INSR: variants seen among roughly 807,000 people sequenced by gnomAD.
The protein encoded by INSR is IR.
Under a neutral mutation model 142.6 loss-of-function variants are expected in INSR, and 67 were observed. That is an observed-to-expected ratio of 0.47 (90% CI 0.39 to 0.58). The LOEUF (loss-of-function observed/expected upper bound fraction) is 0.58, where lower values mean the gene tolerates loss of function less well. INSR is among the 20% of genes least tolerant of loss of function. INSR has a pLI of 0.00. For missense variants in INSR, 1,248 were observed against 1,833.2 expected, an observed-to-expected ratio of 0.68 and a Z score of 5.83; for synonymous variants, 756 against 743.1, an observed-to-expected ratio of 1.02 and a Z score of -0.28.
At chr19:7,142,470 G>A (rs1973094951) in intron 12 of INSR, among the ~76,000 whole-genome samples, 1 of 150,916 alleles carries the variant, frequency 6.6e-6, no homozygotes, top group Non-Finnish European at 1.5e-5. Context: ...CGATGTGGGT[G>A]GATCACTTGA....
chr19:7,143,076 C>T lies in INSR; in HGVS notation c.2282G>A (p.Arg761His). The T allele has an allele frequency of 1.2e-6, 2 of 1,614,178 alleles. No individual in the cohort carries two copies. The highest frequency in any genetic ancestry group is 1.7e-6 in the Non-Finnish European group (2 of 1,180,036). Residue 761 changes from arginine to histidine, a missense_variant, in exon 12 of 22, where the codon CGC (arginine) becomes CAC (histidine). This residue lies in a region of INSR where 1,069 missense variants were observed against 1,654.0 expected (regional missense o/e 0.65). Transcript: ENST00000302850. ...ATTCCCAACATCGCCAAGGGACCTG[C>T]GTTTCCGAGATGGCCTGGAACGACA... ...GAEDPRPSRKRRSLGDVGNVT... is the reference protein window; with the variant it reads ...GAEDPRPSRKHRSLGDVGNVT...
rs1397511542 is a variant in INSR, at chr19:7,166,334, T to C, written c.1681A>G (p.Ile561Val). Residue 561 changes from isoleucine (I) to valine (V), a missense_variant, in exon 8 of 22, where the codon ATT (isoleucine) becomes GTT (valine). Physicochemically the swap from Ile to Val is conservative, Grantham distance 29. Around this residue, in one of 3 missense-constraint regions of INSR, gnomAD observed 1,069 missense variants for 1,654.0 expected, o/e 0.65. Transcript: ENST00000302850. The surrounding 1 kb of genome is among the most constrained non-coding windows in gnomAD (Gnocchi z 4.1). ...CGSNSWTVVDIDPPLRSNDPK... is the reference protein window; with the variant it reads ...CGSNSWTVVDVDPPLRSNDPK... Reference sequence around the variant, plus strand: ...TCGTTGGACCTCAGGGGTGGGTCAATGTCTACCACCGTCCAACTGTTGGAA... The same window carrying C: ...TCGTTGGACCTCAGGGGTGGGTCAACGTCTACCACCGTCCAACTGTTGGAA... The C allele has an allele frequency of 5.0e-6, 8 of 1,613,990 alleles. No individual in the cohort carries two copies. The highest frequency in any genetic ancestry group is 1.6e-4 in the Middle Eastern group (1 of 6,084).
intron 3 of INSR, among the ~76,000 whole-genome samples, chr19:7,176,959 G>A (rs1334373519): frequency 6.6e-6 from 1 of 152,170 alleles, no homozygotes; most frequent in African/African-American, 2.4e-5. Flanking sequence ...GACATTTGCT[G>A]TTCTGTGTGG....
Position 7,116,900 on chromosome 19 carries a change from C to A in INSR, c.*156G>T. On this transcript the variant is annotated 3_prime_UTR_variant, in exon 22 of 22. Transcript: ENST00000302850. ...AGGACTAGTTAAATTGGTAACCAAA[C>A]GAGTCCACCTTAAGATGAACAGAAA... 3 of 685,996 alleles carry A rather than the reference C, an allele frequency of 4.4e-6. No homozygotes were observed. Among genetic ancestry groups the A allele is most frequent in the Non-Finnish European group, 5.2e-6 (2 of 381,230 alleles). 42.5% of individuals were successfully genotyped at this position (685,996 alleles called of 1,614,324 possible). A position where few individuals can be genotyped will look rare whatever the true frequency, so the allele number is the denominator to read the frequency against.
chr19:7,228,980 A>AGGAT lies in INSR; in HGVS notation c.652+38361_652+38364dup, dbSNP rs59628521. 4.8e-4 allele frequency among the ~76,000 whole-genome samples: 66 copies of AGGAT among 137,836 alleles called. 1 individual carries two copies. Among genetic ancestry groups the AGGAT allele is most frequent in the Admixed American group, 1.3e-3 (18 of 13,554 alleles). 90.4% of individuals were successfully genotyped at this position (137,836 alleles called of 152,430 possible). On this transcript the variant is annotated intron_variant, in intron 2 of 21. Transcript: ENST00000302850. Reference sequence around the variant, plus strand: ...GTGGATTGTTGGCAGAGTAGACAGAAGGATGGATGGATGGATGGATGGATG... The same window carrying AGGAT: ...GTGGATTGTTGGCAGAGTAGACAGAAGGATGGATGGATGGATGGATGGATGGATG...
At chr19:7,136,648 G>C (rs115267256) in intron 13 of INSR, among the ~76,000 whole-genome samples, 1,969 of 151,924 alleles carry the variant, frequency 0.013, 44 homozygotes, top group African/African-American at 0.045. Context: ...CAGACCAACT[G>C]TGTTCACCCT....
At position 7,122,761 on chromosome 19, in the gene INSR, G is replaced by A. The variant is rs767224035; in HGVS notation, c.3382C>T (p.Arg1128Cys). ...ATCTCTTGAAGGGTAGGGGGAGGGC[G>A]GCCAGGATTATTCTAAAACAGAAAC... ...LRPEAENNPG[R>C]PPPTLQEMIQ... The change falls in exon 19 of 22, where the codon CGC (arginine) becomes TGC (cysteine). Residue 1128 changes from arginine to cysteine, a missense_variant. Coordinates refer to ENST00000302850, the MANE Select transcript of INSR (RefSeq NM_000208.4). 1.5e-5 allele frequency: 25 copies of A among 1,613,974 alleles called. No individual in the cohort carries two copies. Among genetic ancestry groups the A allele is most frequent in the South Asian group, 5.5e-5 (5 of 91,082 alleles).
chr19:7,210,260 G>A lies in INSR; in HGVS notation c.653-25623C>T, dbSNP rs1021764289. Among the ~76,000 whole-genome samples the A allele has an allele frequency of 1.0e-4, 15 of 149,978 alleles. No homozygotes were observed. In the East Asian group the frequency reaches 1.8e-3, roughly 18 times the overall value. On this transcript the variant is annotated intron_variant, in intron 2 of 21. Transcript: ENST00000302850. ...CTCGGGAAGCTGAGGCAGGAGAATC[G>A]CTTGAACCCAGGAGGTGGAGGTTGC...
intron 2 of INSR, among the ~76,000 whole-genome samples, chr19:7,263,743 C>T (rs1032107493): frequency 6.6e-6 from 1 of 152,038 alleles, no homozygotes; most frequent in Non-Finnish European, 1.5e-5. Flanking sequence ...TCAGGCACAG[C>T]CAGGCACAGC....
intron 2 of INSR, among the ~76,000 whole-genome samples, chr19:7,219,057 G>A (rs1224457660): frequency 6.6e-6 from 1 of 152,208 alleles, no homozygotes. Context: ...GCTCTTCTGT[G>A]CAGCAGTCAC....
At chr19:7,227,686 C>A in intron 2 of INSR, among the ~76,000 whole-genome samples, 1 of 152,188 alleles carries the variant, frequency 6.6e-6, no homozygotes, top group Admixed American at 6.5e-5. Context: ...ACCAAGAGGA[C>A]CCGGCTATTG....
intron 2 of INSR, among the ~76,000 whole-genome samples, chr19:7,261,137 C>T (rs1464785530): frequency 6.6e-6 from 1 of 152,108 alleles, no homozygotes; most frequent in African/African-American, 2.4e-5. Flanking sequence ...GTCTGCCCTC[C>T]TCGGCCTCCC....
At chr19:7,132,352 G>A in intron 13 of INSR, 35 bp from the exon 14 acceptor site, 1 of 1,607,722 alleles carries the variant, frequency 6.2e-7, no homozygotes, top group Non-Finnish European at 8.5e-7. Context: ...GAGGGTGGCT[G>A]AGCTTTGCAC....
chr19:7,193,516 A>G (rs572172024), intron 2 of INSR, among the ~76,000 whole-genome samples: 3 of 151,788 alleles, frequency 2.0e-5, no homozygotes, highest in African/African-American at 7.2e-5. Context: ...ATCTCATAAA[A>G]AAACAAACAA....
At chr19:7,139,821 C>CTT (rs10673049) in intron 13 of INSR, among the ~76,000 whole-genome samples, 97,441 of 115,532 alleles carry the variant, frequency 0.84, 41,744 homozygotes, top group South Asian at 0.9. Flanking sequence ...GTTGCGTATT[C>CTT]TTTTTTTTTT....
chr19:7,260,879 TC>T (rs1977038156), intron 2 of INSR, among the ~76,000 whole-genome samples: 1 of 138,948 alleles, frequency 7.2e-6, no homozygotes, highest in South Asian at 2.2e-4. Flanking sequence ...TCAAAGAACT[TC>T]TTTTTTTTTT....
At position 7,117,288 on chromosome 19, in the gene INSR, C is replaced by T. The variant is rs1301665267; in HGVS notation, c.3917G>A (p.Ser1306Asn). 6.2e-7 allele frequency: 1 copy of T among 1,614,220 alleles called. No individual in the cohort carries two copies. The highest frequency in any genetic ancestry group is 8.5e-7 in the Non-Finnish European group (1 of 1,180,036). Residue 1306 changes from serine (S) to asparagine (N), a missense_variant, in exon 22 of 22, where the codon AGC (serine) becomes AAC (asparagine). By Grantham distance (46) the Ser-to-Asn change is conservative. This residue lies in a region of INSR where 122 missense variants were observed against 129.8 expected (regional missense o/e 0.94). Coordinates refer to ENST00000302850, the MANE Select transcript of INSR (RefSeq NM_000208.4). ...ACTCTCGGGAGCCTTGTTCTCCTCG[C>T]TGTGGAAGAACGACACCTCTGGAAA... The part of the protein sequence containing the change: ...PSFPEVSFFH[S>N]EENKAPESEE...
chr19:7,227,935 G>C (rs970764330), intron 2 of INSR, among the ~76,000 whole-genome samples: 21 of 151,872 alleles, frequency 1.4e-4, no homozygotes, highest in African/African-American at 4.1e-4. Flanking sequence ...CTTCACACTA[G>C]GGTCATATTT....
intron 2 of INSR, among the ~76,000 whole-genome samples, chr19:7,232,438 C>T (rs1976008187): frequency 6.6e-6 from 1 of 152,190 alleles, no homozygotes; most frequent in South Asian, 2.1e-4. Flanking sequence ...AAGTGATCTG[C>T]CTGCCTCAGC....
Sources: allele counts gnomAD v4.1 joint callset (sites outside exome capture counted in the v4.1 genomes callset), GRCh38; gene constraint gnomAD v4.1.1; regional missense constraint gnomAD v4.1.1; non-coding constraint Gnocchi (gnomAD v3.1); transcripts MANE v1.5; gene names NCBI Gene and HGNC (gene_info 2026-07-23, HGNC 2026-07-21).